VPS8: variants seen among roughly 807,000 people sequenced by gnomAD.
The protein encoded by VPS8 is vacuolar protein sorting-associated protein 8 homolog.
Under a neutral mutation model 216.4 loss-of-function variants are expected in VPS8, and 129 were observed. The ratio of observed to expected loss-of-function variants is 0.60; its 90% confidence interval spans 0.52 to 0.69. The LOEUF (loss-of-function observed/expected upper bound fraction) is 0.69, where lower values mean the gene tolerates loss of function less well. Among genes scored for constraint, VPS8 ranks in the 30% least tolerant of loss-of-function variants. The pLI is 0.00. For missense variants in VPS8, 1,531 were observed against 1,683.5 expected (o/e 0.91, Z 1.59); for synonymous variants, 571 against 565.4 (o/e 1.01, Z -0.14).
intron 36 of VPS8, among the ~76,000 whole-genome samples, chr3:184,945,624 G>T (rs1743540335): frequency 6.6e-6 from 1 of 151,984 alleles, no homozygotes; most frequent in Admixed American, 6.6e-5. Context: ...TACCCCTACT[G>T]CCCTGGTTTA....
chr3:184,957,303 G>T, intron 36 of VPS8, 71 bp from the exon 37 acceptor site: 1 of 1,464,788 alleles, frequency 6.8e-7, no homozygotes, highest in Non-Finnish European at 9.2e-7. Flanking sequence ...CTTTTTACTG[G>T]TAGCTTTTAA....
rs567435127 is a variant in VPS8 at position 184,880,698 on chromosome 3, G to T, written c.1735-5412G>T. ...GAAATGTCCAGGTTTACAATTGTTGGATCATATGATAGTTGAATGTTTAAT... is the reference window on the plus strand; with the variant it reads ...GAAATGTCCAGGTTTACAATTGTTGTATCATATGATAGTTGAATGTTTAAT... On this transcript the variant is annotated intron_variant, in intron 21 of 47. Transcript: ENST00000625842. 4.6e-5 allele frequency among the ~76,000 whole-genome samples: 7 copies of T among 152,218 alleles called. No individual in the cohort carries two copies. In the South Asian group the frequency reaches 1.5e-3, roughly 32 times the overall value.
chr3:185,036,486 G>A (rs755059836), intron 46 of VPS8, among the ~76,000 whole-genome samples: 2 of 151,670 alleles, frequency 1.3e-5, no homozygotes, highest in Admixed American at 6.6e-5. Context: ...CTTTGACAAG[G>A]CCAACAAAAA....
intron 34 of VPS8, 135 bp downstream of exon 34, chr3:184,930,703 A>T: frequency 1.6e-6 from 1 of 625,988 alleles, no homozygotes. Context: ...TCGTGTAATT[A>T]TTCTACCTCA....
chr3:184,906,674 G>C (rs905353404), intron 25 of VPS8, among the ~76,000 whole-genome samples: 5 of 152,094 alleles, frequency 3.3e-5, no homozygotes. Context: ...ATTATTAGGG[G>C]AACAAATGGA....
intron 21 of VPS8, among the ~76,000 whole-genome samples, chr3:184,871,105 C>T (rs909482143): frequency 2.6e-5 from 4 of 151,934 alleles, no homozygotes; most frequent in African/African-American, 9.7e-5. Flanking sequence ...ACATCCTGCT[C>T]GTCTAATATT....
At chr3:185,047,798 A>G (rs951128791) in intron 46 of VPS8, among the ~76,000 whole-genome samples, 1 of 152,160 alleles carries the variant, frequency 6.6e-6, no homozygotes. Flanking sequence ...ATAGCAGGTT[A>G]CTGTCAGAAC....
In VPS8 at chr3:185,039,249, ACC is replaced by A. The variant is rs200912268; in HGVS notation, c.4057-9229_4057-9228del. ...TTGGAGTTTTCGTTTTATAGTTTTC[ACC>A]AGTTTTTATTTGGAGTTTATCTTAA... On this transcript the variant is annotated intron_variant, in intron 46 of 47. Coordinates refer to ENST00000625842, the MANE Select transcript of VPS8 (RefSeq NM_001009921.3). Among the ~76,000 whole-genome samples, 418 of 152,260 alleles carry A rather than the reference ACC, an allele frequency of 2.7e-3. 3 individuals are homozygous for A. The highest frequency in any genetic ancestry group is 0.025 in the East Asian group (127 of 5,170).
intron 43 of VPS8, among the ~76,000 whole-genome samples, chr3:184,995,279 C>CT (rs989409101): frequency 6.6e-6 from 1 of 151,930 alleles, no homozygotes. Flanking sequence ...ACAATGTCTG[C>CT]TTTTTTTTAA....
chr3:184,837,575 A>C (rs972963546), intron 5 of VPS8, among the ~76,000 whole-genome samples: 3 of 152,226 alleles, frequency 2.0e-5, no homozygotes, highest in Non-Finnish European at 2.9e-5. Flanking sequence ...AGATGCTGCT[A>C]TCCAGAGCAT....
chr3:184,934,318 T>C (rs1354199002), intron 34 of VPS8, among the ~76,000 whole-genome samples: 2 of 152,084 alleles, frequency 1.3e-5, no homozygotes, highest in East Asian at 1.9e-4. Context: ...ATTACAGATA[T>C]GGCCACCACG....
chr3:184,967,044 G>A (rs974763290), intron 39 of VPS8, among the ~76,000 whole-genome samples: 4 of 150,674 alleles, frequency 2.7e-5, no homozygotes, highest in African/African-American at 9.8e-5. Context: ...TTGGCTCACT[G>A]CAACCTCCAT....
intron 44 of VPS8, among the ~76,000 whole-genome samples, chr3:184,998,920 C>T (rs1329871489): frequency 6.6e-6 from 1 of 151,728 alleles, no homozygotes; most frequent in African/African-American, 2.4e-5. Context: ...CTCATTCTGT[C>T]TCCTAGGCTG....
intron 40 of VPS8, among the ~76,000 whole-genome samples, chr3:184,981,191 T>C (rs1191998800): frequency 6.6e-6 from 1 of 152,150 alleles, no homozygotes; most frequent in Non-Finnish European, 1.5e-5. Flanking sequence ...TTGGAGGAGC[T>C]GAAATGTTTC....
chr3:184,927,724 T>C (rs1739920175), intron 31 of VPS8, among the ~76,000 whole-genome samples: 1 of 152,172 alleles, frequency 6.6e-6, no homozygotes, highest in Non-Finnish European at 1.5e-5. Flanking sequence ...AATTAAATCA[T>C]AACTCCCACT....
At chr3:184,983,449 A>G (rs1409698292) in intron 42 of VPS8, among the ~76,000 whole-genome samples, 1 of 152,212 alleles carries the variant, frequency 6.6e-6, no homozygotes, top group Non-Finnish European at 1.5e-5. Context: ...TAATCTAAAA[A>G]TTAATACAGG....
chr3:184,995,273 T>C (rs1318665973), intron 43 of VPS8, among the ~76,000 whole-genome samples: 2 of 152,168 alleles, frequency 1.3e-5, no homozygotes, highest in Non-Finnish European at 2.9e-5. Flanking sequence ...TTGGAGACAA[T>C]GTCTGCTTTT....
intron 46 of VPS8, among the ~76,000 whole-genome samples, chr3:185,038,547 C>T (rs1759211871): frequency 6.6e-6 from 1 of 152,202 alleles, no homozygotes; most frequent in East Asian, 1.9e-4. Flanking sequence ...AGTCTCTTCC[C>T]AGTTGCATTT....
chr3:184,852,822 G>A (rs1191313490), intron 11 of VPS8, among the ~76,000 whole-genome samples: 1 of 152,116 alleles, frequency 6.6e-6, no homozygotes, highest in Non-Finnish European at 1.5e-5. Context: ...ATGCTGTCAA[G>A]CTTGGGACCA....
Sources: allele counts gnomAD v4.1 joint callset (sites outside exome capture counted in the v4.1 genomes callset), GRCh38; gene constraint gnomAD v4.1.1; transcripts MANE v1.5; gene names NCBI Gene and HGNC (gene_info 2026-07-23, HGNC 2026-07-21).